CATSPERB: variants seen among roughly 807,000 people sequenced by gnomAD.
The protein encoded by CATSPERB is catsper channel auxiliary subunit beta, also known as cation channel sperm-associated auxiliary subunit beta.
CATSPERB carries 93 observed loss-of-function variants against 128.3 expected under a neutral mutation model. The observed-to-expected ratio is 0.72, with a 90% CI of 0.61 to 0.86. The LOEUF (loss-of-function observed/expected upper bound fraction) is 0.86, where lower values mean the gene tolerates loss of function less well. Ranked by LOEUF, CATSPERB falls within the 40% of genes least tolerant of loss-of-function variation. CATSPERB has a pLI of 0.00. For missense variants in CATSPERB, 1,153 were observed against 1,329.5 expected, an observed-to-expected ratio of 0.87 and a Z score of 2.06; for synonymous variants, 381 against 448.8, an observed-to-expected ratio of 0.85 and a Z score of 1.91.
Position 91,723,187 on chromosome 14 carries a change from T to C in CATSPERB, c.171A>G (p.Lys57=). ...TTTCAGTTTGGAAGAAACACTGGAT[T>C]TTCTTTAGGAAAGCAAGAAAAAAAA... is the stretch of plus-strand genomic sequence containing the variant. ...IKLYLFLENL[K]IQCFFQTENE... is the part of the protein sequence containing the mutation. Residue 57 remains lysine (K), a splice_region_variant and synonymous_variant, in exon 4 of 27, where the codon AAA becomes AAG. Coordinates refer to ENST00000256343, the MANE Select transcript of CATSPERB (RefSeq NM_024764.4). 6.8e-7 allele frequency: 1 copy of C among 1,461,648 alleles called. No homozygotes were observed. Among genetic ancestry groups the C allele is most frequent in the African/African-American group, 1.5e-5 (1 of 67,066 alleles). The allele number at this position is 1,461,648 out of a possible 1,614,324, so 90.5% of individuals were successfully genotyped here. A position where few individuals can be genotyped will look rare whatever the true frequency, so the allele number is the denominator to read the frequency against.
chr14:91,711,212 A>G (rs1375825523), intron 5 of CATSPERB, among the ~76,000 whole-genome samples: 2 of 152,032 alleles, frequency 1.3e-5, no homozygotes, highest in African/African-American at 4.8e-5. Flanking sequence ...GTTAGAGCTT[A>G]CTCACTGATG....
chr14:91,608,029 A>G (rs534453517), intron 22 of CATSPERB, among the ~76,000 whole-genome samples: 2 of 152,300 alleles, frequency 1.3e-5, no homozygotes, highest in East Asian at 3.9e-4. Flanking sequence ...TCGAGAAAAG[A>G]TGCTCTCACC....
intron 23 of CATSPERB, among the ~76,000 whole-genome samples, 161 bp from the exon 24 acceptor site, chr14:91,589,830 C>T (rs1353817826): frequency 6.6e-6 from 1 of 152,156 alleles, no homozygotes; most frequent in African/African-American, 2.4e-5. Context: ...TGTCTTAGAG[C>T]AGAATCAATG....
chr14:91,719,591 CT>C (rs1432229748), intron 4 of CATSPERB, 113 bp from the exon 5 acceptor site: 1 of 672,246 alleles, frequency 1.5e-6, no homozygotes, highest in Non-Finnish European at 2.4e-6. Flanking sequence ...ATGCATATAC[CT>C]TTTACCTAGA....
chr14:91,690,115 C>T lies in CATSPERB; in HGVS notation c.864+1408G>A, dbSNP rs187857205. On this transcript the variant is annotated intron_variant, in intron 10 of 26. Transcript: ENST00000256343. ...TCAAGCAATTCTCATGCCTCAGCCT[C>T]CCGAGTAGCTGGGATTACAGGCATG... 2.6e-4 allele frequency among the ~76,000 whole-genome samples: 40 copies of T among 152,268 alleles called. No homozygotes were observed. The East Asian group carries it at 7.5e-3, about 29-fold the overall frequency.
chr14:91,661,528 T>C (rs58591200), intron 14 of CATSPERB, among the ~76,000 whole-genome samples: 3,581 of 137,270 alleles, frequency 0.026, 188 homozygotes, highest in African/African-American at 0.099. Context: ...TGCTATCATA[T>C]ATATATATAT....
At chr14:91,718,888 C>T (rs1419878751) in intron 5 of CATSPERB, among the ~76,000 whole-genome samples, 1 of 152,080 alleles carries the variant, frequency 6.6e-6, no homozygotes, top group Non-Finnish European at 1.5e-5. Context: ...CATTTTTAAC[C>T]TCTGGGAATG....
chr14:91,594,123 T>A (rs1399455361), intron 22 of CATSPERB, among the ~76,000 whole-genome samples: 1 of 152,196 alleles, frequency 6.6e-6, no homozygotes, highest in Non-Finnish European at 1.5e-5. Flanking sequence ...GTGGCACATA[T>A]ATACCATGGA....
intron 13 of CATSPERB, among the ~76,000 whole-genome samples, chr14:91,672,245 C>A (rs888098253): frequency 6.6e-6 from 1 of 152,032 alleles, no homozygotes; most frequent in Non-Finnish European, 1.5e-5. Flanking sequence ...ACGATAGGGG[C>A]CGAACTTATG....
chr14:91,649,017 T>C (rs944876339), intron 15 of CATSPERB, among the ~76,000 whole-genome samples: 19 of 152,046 alleles, frequency 1.2e-4, no homozygotes, highest in Non-Finnish European at 2.9e-5. Flanking sequence ...GTAGCATTTA[T>C]CTTACATACA....
chr14:91,698,047 T>A (rs1262658893), intron 7 of CATSPERB, among the ~76,000 whole-genome samples: 1 of 152,144 alleles, frequency 6.6e-6, no homozygotes, highest in Admixed American at 6.6e-5. Flanking sequence ...TCATCTATGA[T>A]TTATTTGAGC....
intron 11 of CATSPERB, among the ~76,000 whole-genome samples, chr14:91,678,460 T>C (rs1394674125): frequency 6.6e-6 from 1 of 152,230 alleles, no homozygotes; most frequent in Admixed American, 6.5e-5. Context: ...TGGATATTTG[T>C]GTGTGCATAT....
chr14:91,693,162 A>T lies in CATSPERB; in HGVS notation c.795T>A (p.Ser265Arg). ...GGCGTGATGGATAACGAAGATCTTC[A>T]CTTACAAAAAGGCCCAAAGAGGTGA... Reference protein sequence around the residue: ...VILTSLGLFVSEDLRYPSRHS... With the variant: ...VILTSLGLFVREDLRYPSRHS... Residue 265 changes from serine (S) to arginine (R), a missense_variant, in exon 9 of 27, where the codon AGT becomes AGA. Coordinates refer to ENST00000256343, the MANE Select transcript of CATSPERB (RefSeq NM_024764.4). 2 of 1,613,740 alleles carry T rather than the reference A, an allele frequency of 1.2e-6. No individual in the cohort carries two copies. The highest frequency in any genetic ancestry group is 1.7e-6 in the Non-Finnish European group (2 of 1,179,748).
chr14:91,640,065 G>A (rs982371862), intron 15 of CATSPERB, among the ~76,000 whole-genome samples: 3 of 151,962 alleles, frequency 2.0e-5, no homozygotes, highest in Non-Finnish European at 4.4e-5. Context: ...GGCTTATGTA[G>A]CTAACTGCCT....
In CATSPERB at chr14:91,610,675, A is replaced by G; in HGVS notation, c.2403T>C (p.Gly801=). 6.2e-7 allele frequency: 1 copy of G among 1,613,878 alleles called. No individual in the cohort carries two copies. Among genetic ancestry groups the G allele is most frequent in the Non-Finnish European group, 8.5e-7 (1 of 1,179,886 alleles). ...ISAASKVLHQ[G]STSLAFIMWS... ...ACATAATAAATGCCAGTGAAGTTGA[A>G]CCCTGGAAATAACCAAATAAATGAA... Residue 801 remains glycine, a splice_region_variant and synonymous_variant, in exon 21 of 27, where the codon GGT becomes GGC. Transcript: ENST00000256343.
At chr14:91,718,195 T>A (rs1595191829) in intron 5 of CATSPERB, among the ~76,000 whole-genome samples, 1 of 152,314 alleles carries the variant, frequency 6.6e-6, no homozygotes, top group East Asian at 1.9e-4. Context: ...CGAAAATAAG[T>A]ACAGTTTTCA....
chr14:91,621,297 G>A (rs919497312), intron 19 of CATSPERB, among the ~76,000 whole-genome samples: 1 of 152,186 alleles, frequency 6.6e-6, no homozygotes, highest in African/African-American at 2.4e-5. Context: ...CTACTTGGGA[G>A]GCTGAGGCAG....
intron 22 of CATSPERB, among the ~76,000 whole-genome samples, chr14:91,597,033 C>T (rs987069882): frequency 6.6e-6 from 1 of 151,658 alleles, no homozygotes; most frequent in African/African-American, 2.4e-5. Context: ...ACTACAGGCA[C>T]CCACCACCAC....
At chr14:91,589,924 C>G (rs1221260199) in intron 23 of CATSPERB, among the ~76,000 whole-genome samples, 2 of 152,158 alleles carry the variant, frequency 1.3e-5, no homozygotes, top group Admixed American at 6.5e-5. Flanking sequence ...ACTATGATGT[C>G]ACTCAAACTT....
Sources: allele counts gnomAD v4.1 joint callset (sites outside exome capture counted in the v4.1 genomes callset), GRCh38; gene constraint gnomAD v4.1.1; transcripts MANE v1.5; gene names NCBI Gene and HGNC (gene_info 2026-07-23, HGNC 2026-07-21).